The following ZNF438 variants were observed in gnomAD, a reference collection of about 807,000 sequenced individuals.
ZNF438 encodes the protein zinc finger protein 438.
A neutral mutation model predicts 38.0 loss-of-function variants in ZNF438; 25 were observed. The ratio of observed to expected loss-of-function variants is 0.66; its 90% confidence interval spans 0.48 to 0.92. The LOEUF is 0.92. Ranked by LOEUF, ZNF438 falls within the 40% of genes least tolerant of loss-of-function variation. ZNF438 has a pLI of 0.00. For missense variants in ZNF438, 1,007 were observed against 999.6 expected (o/e 1.01, Z -0.10); for synonymous variants, 372 against 364.1 (o/e 1.02, Z -0.25).
At chr10:30,850,920 ACAC>A (rs1219502883) in intron 4 of ZNF438, among the ~76,000 whole-genome samples, 6 of 152,242 alleles carry the variant, frequency 3.9e-5, no homozygotes, top group Non-Finnish European at 8.8e-5. Flanking sequence ...ATCTCAGGAT[ACAC>A]CATTTGACCC....
At chr10:31,009,917 C>T (rs966491123) in intron 1 of ZNF438, among the ~76,000 whole-genome samples, 1 of 147,686 alleles carries the variant, frequency 6.8e-6, no homozygotes, top group Non-Finnish European at 1.5e-5. Context: ...GGCTCAATCT[C>T]GGCTCACTGC....
At chr10:30,870,473 T>C (rs1451087443) in intron 4 of ZNF438, among the ~76,000 whole-genome samples, 3 of 152,162 alleles carry the variant, frequency 2.0e-5, no homozygotes, top group Non-Finnish European at 4.4e-5. Flanking sequence ...GTGATTTTAC[T>C]GTTTACTTAC....
intron 5 of ZNF438, among the ~76,000 whole-genome samples, chr10:30,847,680 C>A (rs1347701337): frequency 6.6e-6 from 1 of 152,176 alleles, no homozygotes; most frequent in Non-Finnish European, 1.5e-5. Flanking sequence ...CAGTGACTCC[C>A]TAGTCTCCAA....
At chr10:30,886,711 C>T (rs1195664473) in intron 3 of ZNF438, among the ~76,000 whole-genome samples, 1 of 152,202 alleles carries the variant, frequency 6.6e-6, no homozygotes, top group East Asian at 1.9e-4. Flanking sequence ...ACAGTTTCTA[C>T]TGAATGCACA....
intron 1 of ZNF438, among the ~76,000 whole-genome samples, chr10:30,951,425 AG>A (rs1269763497): frequency 6.6e-6 from 1 of 151,890 alleles, no homozygotes; most frequent in Non-Finnish European, 1.5e-5. Flanking sequence ...AAGGAAATAA[AG>A]GGTATTCAAT....
intron 4 of ZNF438, among the ~76,000 whole-genome samples, chr10:30,870,817 C>T (rs2037289375): frequency 6.6e-6 from 1 of 152,084 alleles, no homozygotes; most frequent in Non-Finnish European, 1.5e-5. Context: ...ATAAACACTA[C>T]AAATAATGAG....
chr10:30,997,575 AT>A (rs35100326), intron 1 of ZNF438, among the ~76,000 whole-genome samples: 59,604 of 143,282 alleles, frequency 0.42, 12,248 homozygotes, highest in African/African-American at 0.51. Flanking sequence ...ACAAAATCCT[AT>A]TTTTTTTTTT....
At chr10:31,017,947 G>A (rs1564352571) in intron 1 of ZNF438, among the ~76,000 whole-genome samples, 2 of 152,376 alleles carry the variant, frequency 1.3e-5, no homozygotes, top group East Asian at 1.9e-4. Context: ...GACAAAGTAT[G>A]TGGAACACAG....
chr10:30,869,731 C>G (rs1010645708), intron 4 of ZNF438, among the ~76,000 whole-genome samples: 2 of 152,208 alleles, frequency 1.3e-5, no homozygotes, highest in African/African-American at 2.4e-5. Flanking sequence ...TGTACTTGCT[C>G]TGCAGCATAA....
intron 1 of ZNF438, among the ~76,000 whole-genome samples, chr10:30,979,179 C>G (rs1036380590): frequency 4.6e-5 from 7 of 152,196 alleles, no homozygotes; most frequent in African/African-American, 1.7e-4. Context: ...CACCTAGTCA[C>G]CCAACAGCTC....
At chr10:31,000,923 C>T (rs1488428134) in intron 1 of ZNF438, among the ~76,000 whole-genome samples, 2 of 152,190 alleles carry the variant, frequency 1.3e-5, no homozygotes, top group African/African-American at 4.8e-5. Context: ...TTCTACCTTT[C>T]TGTTCATGCT....
chr10:30,966,567 G>A (rs556075761), intron 1 of ZNF438, among the ~76,000 whole-genome samples: 2 of 151,842 alleles, frequency 1.3e-5, no homozygotes, highest in South Asian at 4.2e-4. Flanking sequence ...CTACTCGGGA[G>A]GCTGAGGCAG....
intron 1 of ZNF438, among the ~76,000 whole-genome samples, chr10:31,003,077 G>C (rs1467497919): frequency 6.6e-6 from 1 of 152,088 alleles, no homozygotes; most frequent in East Asian, 1.9e-4. Context: ...GACTCCCATG[G>C]GGAGTCTGGA....
chr10:30,857,542 AC>A, intron 4 of ZNF438: 1 of 636,646 alleles, frequency 1.6e-6, no homozygotes. Context: ...GGTATGAGCC[AC>A]CCCATCTGGC....
chr10:31,005,717 CTG>C (rs1168360228), intron 1 of ZNF438, among the ~76,000 whole-genome samples: 4 of 152,104 alleles, frequency 2.6e-5, no homozygotes, highest in Admixed American at 6.5e-5. Flanking sequence ...ATCCACTTCA[CTG>C]TGTGTATACA....
chr10:31,030,999 T>G (rs965839601), intron 1 of ZNF438, among the ~76,000 whole-genome samples: 1 of 152,204 alleles, frequency 6.6e-6, no homozygotes, highest in Non-Finnish European at 1.5e-5. Context: ...GCATTGTAAT[T>G]GCCAAGAGTA....
At chr10:30,844,672 C>T in exon 6 of ZNF438, 1 of 317,962 alleles carries the variant, frequency 3.1e-6, no homozygotes, top group South Asian at 4.8e-5. Context: ...AGCCTATATT[C>T]TGCTAAATTT....
intron 5 of ZNF438, 92 bp from the exon 7 acceptor site, chr10:30,845,665 C>CAT (rs1479143775): frequency 6.9e-7 from 1 of 1,448,076 alleles, no homozygotes; most frequent in East Asian, 2.3e-5. Flanking sequence ...GGATCTAAAA[C>CAT]ATAACACTGA....
At chr10:30,878,671 C>T (rs536303959) in intron 3 of ZNF438, among the ~76,000 whole-genome samples, 2 of 152,266 alleles carry the variant, frequency 1.3e-5, no homozygotes, top group East Asian at 3.9e-4. Flanking sequence ...ACACTGCTGT[C>T]CATAAACGGT....
Sources: allele counts gnomAD v4.1 joint callset (sites outside exome capture counted in the v4.1 genomes callset), GRCh38; gene constraint gnomAD v4.1.1; transcripts MANE v1.5; gene names NCBI Gene and HGNC (gene_info 2026-07-23, HGNC 2026-07-21).